The following RIMBP2 variants were observed in gnomAD, a reference collection of about 807,000 sequenced individuals.
RIMBP2 encodes the protein RIMS binding protein 2, also known as RIMS-binding protein 2.
Under a neutral mutation model 118.6 loss-of-function variants are expected in RIMBP2, and 48 were observed. The ratio of observed to expected loss-of-function variants is 0.40; its 90% CI spans 0.32 to 0.51. The LOEUF (loss-of-function observed/expected upper bound fraction) is 0.51. Ranked by LOEUF, RIMBP2 falls within the 20% of genes least tolerant of loss-of-function variation. RIMBP2 has a pLI of 0.41. For synonymous variants in RIMBP2, 762 were observed against 742.9 expected (o/e 1.03, Z -0.42); for missense variants, 1,551 against 1,768.3 (o/e 0.88, Z 2.20).
At chr12:130,540,828 A>G (rs1363281227) in intron 2 of RIMBP2, among the ~76,000 whole-genome samples, 1 of 152,190 alleles carries the variant, frequency 6.6e-6, no homozygotes, top group Non-Finnish European at 1.5e-5. Flanking sequence ...CGTGGTGAGC[A>G]GTAGGACCTA....
At chr12:130,553,165 A>AGTGCTG in intron 2 of RIMBP2, among the ~76,000 whole-genome samples, 1 of 150,104 alleles carries the variant, frequency 6.7e-6, no homozygotes, top group East Asian at 2.0e-4. Context: ...AAAAAAAAAA[A>AGTGCTG]GAAAAGAAAA....
chr12:130,511,953 G>A lies in RIMBP2; in HGVS notation c.-126-5183C>T, dbSNP rs763987900. ...CTTCCTGAGCACAACAGTGCCCTTC[G>A]TATGAAACCCACCAAGCTCAGGCTT... On this transcript the variant is annotated intron_variant, in intron 3 of 22. Transcript: ENST00000690449. This position sits in a 1 kb window ranked among gnomAD's most constrained non-coding sequence, Gnocchi z 4.3. Among the ~76,000 whole-genome samples the A allele has an allele frequency of 6.6e-6, 1 of 152,128 alleles. No individual in the cohort carries two copies. Among genetic ancestry groups the A allele is most frequent in the Non-Finnish European group, 1.5e-5 (1 of 68,032 alleles).
chr12:130,446,863 G>A lies in RIMBP2; in HGVS notation c.582-1594C>T, dbSNP rs60165877. ...TTGGTGGAGGAGTTCCAGCAAAGGA[G>A]TTTGGTCGGGGAGTGACTTAGGAGG... On this transcript the variant is annotated intron_variant, in intron 9 of 22. Coordinates refer to ENST00000690449, the MANE Select transcript of RIMBP2 (RefSeq NM_001393629.1). The surrounding 1 kb of genome is among the most constrained non-coding windows in gnomAD (Gnocchi z 4.1). Among the ~76,000 whole-genome samples the A allele has an allele frequency of 0.066, 10,105 of 152,116 alleles. 1,116 individuals are homozygous for A. Among genetic ancestry groups the A allele is most frequent in the African/African-American group, 0.23 (9,527 of 41,408 alleles).
chr12:130,590,058 G>A (rs920206702), intron 2 of RIMBP2, among the ~76,000 whole-genome samples: 9 of 152,158 alleles, frequency 5.9e-5, no homozygotes, highest in African/African-American at 1.7e-4. Flanking sequence ...AATCTACTAA[G>A]AATTCATTAC....
chr12:130,524,527 G>A (rs1334699352), intron 2 of RIMBP2, among the ~76,000 whole-genome samples: 8 of 152,234 alleles, frequency 5.3e-5, no homozygotes, highest in African/African-American at 1.4e-4. Flanking sequence ...GGTAGCAGAC[G>A]TGAAGAGGCA....
rs566900528 is a variant in RIMBP2, at chr12:130,576,197, G to A, written c.-217+52125C>T. 6.6e-6 allele frequency among the ~76,000 whole-genome samples: 1 copy of A among 152,284 alleles called. No homozygotes were observed. The highest frequency in any genetic ancestry group is 2.1e-4 in the South Asian group (1 of 4,820). On this transcript the variant is annotated intron_variant, in intron 2 of 22. Coordinates refer to ENST00000690449, the MANE Select transcript of RIMBP2 (RefSeq NM_001393629.1). The surrounding 1 kb of genome is among the most constrained non-coding windows in gnomAD (Gnocchi z 4.2). ...CGGTAGGAACCTTGCTTTGTATCCT[G>A]AGCATGAGAAGACGTCTTTTTTACC...
intron 3 of RIMBP2, among the ~76,000 whole-genome samples, chr12:130,514,508 C>T (rs966076480): frequency 6.6e-6 from 1 of 152,180 alleles, no homozygotes; most frequent in Non-Finnish European, 1.5e-5. Flanking sequence ...AGCTCCAGCA[C>T]CCCCATCCCC....
intron 2 of RIMBP2, among the ~76,000 whole-genome samples, chr12:130,613,293 AGAGGGCCAG>A (rs2060676203): frequency 6.6e-6 from 1 of 152,190 alleles, no homozygotes; most frequent in Non-Finnish European, 1.5e-5. Context: ...CCGCCCCGCC[AGAGGGCCAG>A]TGGGCAACCC....
At chr12:130,483,995 A>G (rs1035191978) in intron 4 of RIMBP2, among the ~76,000 whole-genome samples, 1 of 152,086 alleles carries the variant, frequency 6.6e-6, no homozygotes, top group African/African-American at 2.4e-5. Context: ...CGGCTCCTGG[A>G]AAGGCCCCAG....
chr12:130,688,824 G>A lies in RIMBP2; in HGVS notation c.-352+27398C>T, dbSNP rs1338915883. 1.3e-5 allele frequency among the ~76,000 whole-genome samples: 2 copies of A among 152,214 alleles called. No homozygotes were observed. The highest frequency in any genetic ancestry group is 2.4e-5 in the African/African-American group (1 of 41,450). ...CCAATTCCAACTGCTCAGCTGAAAC[G>A]TTTCGAACCAAGTCTAAACTCTGCA... On this transcript the variant is annotated intron_variant, in intron 1 of 22. Coordinates refer to ENST00000690449, the MANE Select transcript of RIMBP2 (RefSeq NM_001393629.1). The surrounding 1 kb of genome is among the most constrained non-coding windows in gnomAD (Gnocchi z 4.7).
intron 1 of RIMBP2, among the ~76,000 whole-genome samples, chr12:130,715,865 C>A (rs1478612380): frequency 2.6e-5 from 4 of 151,966 alleles, no homozygotes; most frequent in Admixed American, 2.6e-4. Flanking sequence ...CATCGGGTGC[C>A]AAACTTTGCC....
At chr12:130,593,148 A>C (rs534391487) in intron 2 of RIMBP2, among the ~76,000 whole-genome samples, 1 of 151,942 alleles carries the variant, frequency 6.6e-6, no homozygotes, top group African/African-American at 2.4e-5. Flanking sequence ...GCCCATTCTC[A>C]CCCACTCCTC....
intron 2 of RIMBP2, among the ~76,000 whole-genome samples, chr12:130,596,653 A>C (rs901769215): frequency 3.9e-5 from 6 of 152,220 alleles, no homozygotes; most frequent in African/African-American, 1.4e-4. Flanking sequence ...AATGCGGTGC[A>C]TGGGACACAG....
At chr12:130,492,031 T>C (rs2398513) in intron 4 of RIMBP2, among the ~76,000 whole-genome samples, 67,379 of 152,106 alleles carry the variant, frequency 0.44, 16,885 homozygotes, top group Non-Finnish European at 0.55. Flanking sequence ...GGACTTGTCC[T>C]GTGCTTGGAT....
chr12:130,525,700 G>C lies in RIMBP2; in HGVS notation c.-216-7783C>G, dbSNP rs1302424008. On this transcript the variant is annotated intron_variant, in intron 2 of 22. Transcript: ENST00000690449. The surrounding 1 kb of genome is among the most constrained non-coding windows in gnomAD (Gnocchi z 4.4). ...GCACTTGGGGATGAGATCGTATGGG[G>C]GGAGATGACCCAAGGGGCTCATGTT... Among the ~76,000 whole-genome samples the C allele has an allele frequency of 2.0e-5, 3 of 152,180 alleles. No individual in the cohort carries two copies. The highest frequency in any genetic ancestry group is 3.8e-4 in the East Asian group (2 of 5,198).
intron 1 of RIMBP2, among the ~76,000 whole-genome samples, chr12:130,640,133 C>G (rs2062551775): frequency 6.6e-6 from 1 of 152,180 alleles, no homozygotes; most frequent in Non-Finnish European, 1.5e-5. Context: ...ACAGACATTT[C>G]AGCCACCAAG....
chr12:130,545,280 G>A (rs1162466632), intron 2 of RIMBP2, among the ~76,000 whole-genome samples: 6 of 152,178 alleles, frequency 3.9e-5, no homozygotes, highest in Admixed American at 6.5e-5. Flanking sequence ...CCCAGGCAGC[G>A]GCCGCTGGTG....
intron 1 of RIMBP2, among the ~76,000 whole-genome samples, chr12:130,700,430 T>C (rs900150349): frequency 2.6e-5 from 4 of 151,274 alleles, no homozygotes; most frequent in East Asian, 3.9e-4. Flanking sequence ...CACTTGGAAG[T>C]AGGGTTTTTG....
chr12:130,691,301 T>C (rs2065296416), intron 1 of RIMBP2, among the ~76,000 whole-genome samples: 1 of 152,306 alleles, frequency 6.6e-6, no homozygotes, highest in Admixed American at 6.5e-5. Context: ...CCGAGGAATG[T>C]GTGCTCACAA....
Sources: gnomAD v4.1 joint callset for allele counts (sites outside exome capture counted in the v4.1 genomes callset) on GRCh38, gnomAD v4.1.1 for gene constraint, Gnocchi (gnomAD v3.1) non-coding constraint, MANE v1.5 for transcripts, NCBI Gene and HGNC (gene_info 2026-07-23, HGNC 2026-07-21) for gene names.